Variants in ADGRB3 observed in about 807,000 individuals in gnomAD.
The protein encoded by ADGRB3 is adhesion G protein-coupled receptor B3, also known as brain-specific angiogenesis inhibitor 3.
In ADGRB3, 37 loss-of-function variants were observed where a neutral mutation model predicts 193.4. That is an observed-to-expected ratio of 0.19 (90% confidence interval 0.15 to 0.25). ADGRB3 has a LOEUF of 0.25. Among genes scored for constraint, ADGRB3 ranks in the 10% least tolerant of loss-of-function variants. The pLI, the probability that ADGRB3 is intolerant of heterozygous loss-of-function variation, is 1.00. For missense variants in ADGRB3, 1,637 were observed against 1,852.9 expected (o/e 0.88, Z 2.14); for synonymous variants, 690 against 644.2 (o/e 1.07, Z -1.08).
At chr6:69,113,479 A>G (rs576006626) in intron 17 of ADGRB3, among the ~76,000 whole-genome samples, 3 of 152,264 alleles carry the variant, frequency 2.0e-5, no homozygotes, top group East Asian at 1.9e-4. Flanking sequence ...TTCTAAAAAA[A>G]CTAAAGTTAT....
chr6:69,128,148 G>A (rs1298563804), intron 17 of ADGRB3, among the ~76,000 whole-genome samples: 2 of 152,240 alleles, frequency 1.3e-5, no homozygotes, highest in Non-Finnish European at 1.5e-5. Flanking sequence ...CCGGCTGACT[G>A]TGAACTGTCT....
chr6:68,714,757 C>A (rs1248025328), intron 3 of ADGRB3, among the ~76,000 whole-genome samples: 2 of 151,728 alleles, frequency 1.3e-5, no homozygotes, highest in African/African-American at 4.8e-5. Flanking sequence ...CTTAAAATAT[C>A]TGCTAGTTTA....
At chr6:68,693,175 G>A (rs112250059) in intron 3 of ADGRB3, among the ~76,000 whole-genome samples, 2,319 of 151,924 alleles carry the variant, frequency 0.015, 27 homozygotes, top group Non-Finnish European at 0.025. Flanking sequence ...AAATGAGGTA[G>A]CAATGAGGAA....
chr6:68,866,471 G>T (rs1007252221), intron 3 of ADGRB3, among the ~76,000 whole-genome samples: 2 of 152,162 alleles, frequency 1.3e-5, no homozygotes, highest in African/African-American at 4.8e-5. Context: ...GTGCTTTATA[G>T]CAGTGTGAAA....
intron 17 of ADGRB3, among the ~76,000 whole-genome samples, chr6:69,223,636 G>A (rs1765945496): frequency 1.4e-5 from 2 of 142,868 alleles, no homozygotes; most frequent in Admixed American, 1.4e-4. Flanking sequence ...TAATTTTTTT[G>A]AATCTCTCTC....
intron 17 of ADGRB3, among the ~76,000 whole-genome samples, chr6:69,210,957 T>C (rs1201672554): frequency 1.4e-5 from 2 of 142,134 alleles, no homozygotes; most frequent in African/African-American, 5.2e-5. Flanking sequence ...CTACCAAAAA[T>C]ACAAAAAAAA....
intron 17 of ADGRB3, among the ~76,000 whole-genome samples, chr6:69,208,497 G>A (rs753417171): frequency 3.9e-5 from 6 of 152,128 alleles, no homozygotes; most frequent in Non-Finnish European, 7.4e-5. Context: ...TGCACTGCTC[G>A]AAGTTCTGCC....
chr6:68,655,243 C>A (rs2127283383), intron 3 of ADGRB3, among the ~76,000 whole-genome samples: 1 of 151,596 alleles, frequency 6.6e-6, no homozygotes, highest in South Asian at 2.1e-4. Context: ...TCCCAATTTC[C>A]AGCTCTGTGG....
chr6:68,865,326 T>G (rs1481291696), intron 3 of ADGRB3, among the ~76,000 whole-genome samples: 1 of 152,128 alleles, frequency 6.6e-6, no homozygotes, highest in Non-Finnish European at 1.5e-5. Context: ...CATTTTCTCT[T>G]TTTTCCCAAG....
chr6:68,999,413 C>T (rs567415162), intron 11 of ADGRB3, among the ~76,000 whole-genome samples: 84 of 152,044 alleles, frequency 5.5e-4, no homozygotes, highest in Non-Finnish European at 1.0e-3. Flanking sequence ...TACAGACGCC[C>T]GCCACCACGC....
chr6:68,789,619 C>A (rs888304679), intron 3 of ADGRB3, among the ~76,000 whole-genome samples: 1 of 152,146 alleles, frequency 6.6e-6, no homozygotes, highest in Admixed American at 6.5e-5. Flanking sequence ...GTGAATCTGA[C>A]AATTATGTGT....
chr6:68,875,601 T>C (rs1049792472), intron 3 of ADGRB3, among the ~76,000 whole-genome samples: 2 of 152,022 alleles, frequency 1.3e-5, no homozygotes, highest in Non-Finnish European at 2.9e-5. Context: ...GCTGACACAG[T>C]ATTACTAGGA....
chr6:69,083,678 T>G (rs1363934271), intron 17 of ADGRB3, among the ~76,000 whole-genome samples: 1 of 152,150 alleles, frequency 6.6e-6, no homozygotes, highest in East Asian at 1.9e-4. Context: ...CACCATTCAT[T>G]TTTACAATTA....
At chr6:69,012,282 T>C (rs1769960561) in intron 11 of ADGRB3, among the ~76,000 whole-genome samples, 1 of 152,016 alleles carries the variant, frequency 6.6e-6, no homozygotes, top group African/African-American at 2.4e-5. Flanking sequence ...TCTTGGTGTC[T>C]CTTGTTAGCA....
chr6:69,359,481 G>T (rs1769401276), intron 28 of ADGRB3, among the ~76,000 whole-genome samples: 1 of 145,230 alleles, frequency 6.9e-6, no homozygotes, highest in Admixed American at 6.8e-5. Flanking sequence ...GATTTTTACT[G>T]CCTAAGATAA....
At chr6:69,079,818 T>C (rs1772336136) in intron 17 of ADGRB3, among the ~76,000 whole-genome samples, 1 of 152,072 alleles carries the variant, frequency 6.6e-6, no homozygotes, top group Admixed American at 6.6e-5. Flanking sequence ...TAACCATCCA[T>C]CTAATACTCT....
chr6:68,698,993 CTT>C (rs1765199800), intron 3 of ADGRB3, among the ~76,000 whole-genome samples: 2 of 151,968 alleles, frequency 1.3e-5, no homozygotes, highest in Admixed American at 1.3e-4. Context: ...ATTTATCTAA[CTT>C]TTGTATAATT....
chr6:68,977,567 A>C (rs1286859860), intron 10 of ADGRB3, among the ~76,000 whole-genome samples: 2 of 152,200 alleles, frequency 1.3e-5, no homozygotes, highest in African/African-American at 4.8e-5. Flanking sequence ...AGATACACTC[A>C]GTGAAATAGA....
intron 3 of ADGRB3, among the ~76,000 whole-genome samples, chr6:68,855,937 A>T (rs1764975861): frequency 6.6e-6 from 1 of 152,190 alleles, no homozygotes; most frequent in Admixed American, 6.5e-5. Context: ...AGCTCCCATA[A>T]TTCCCAGAAC....
Sources: allele counts gnomAD v4.1 joint callset (sites outside exome capture counted in the v4.1 genomes callset), GRCh38; gene constraint gnomAD v4.1.1; transcripts MANE v1.5; gene names NCBI Gene and HGNC (gene_info 2026-07-23, HGNC 2026-07-21).